Variants in KHDRBS2 observed in about 807,000 individuals in gnomAD.
KHDRBS2 encodes the protein KH domain-containing, RNA-binding, signal transduction-associated protein 2.
In KHDRBS2, 26 loss-of-function variants were observed where a neutral mutation model predicts 44.3. The observed-to-expected ratio is 0.59, with a 90% CI of 0.43 to 0.81. KHDRBS2 has a LOEUF of 0.81. Ranked by LOEUF, KHDRBS2 falls within the 40% of genes least tolerant of loss-of-function variation. The pLI is 0.00. For missense variants in KHDRBS2, 476 were observed against 433.1 expected (o/e 1.10, Z -0.88); for synonymous variants, 194 against 151.1 (o/e 1.28, Z -2.08).
intron 1 of KHDRBS2, among the ~76,000 whole-genome samples, chr6:62,242,920 A>G (rs1168183412): frequency 6.6e-6 from 1 of 152,172 alleles, no homozygotes; most frequent in African/African-American, 2.4e-5. Flanking sequence ...CAGGTGCCAC[A>G]ACCATAACAC....
At chr6:61,769,447 C>T (rs549376191) in intron 6 of KHDRBS2, among the ~76,000 whole-genome samples, 3 of 152,230 alleles carry the variant, frequency 2.0e-5, no homozygotes, top group South Asian at 2.1e-4. Context: ...CCTGGAAAAT[C>T]GGGTCACTCC....
chr6:62,195,207 A>G (rs1825428649), intron 1 of KHDRBS2, among the ~76,000 whole-genome samples: 1 of 152,162 alleles, frequency 6.6e-6, no homozygotes, highest in Non-Finnish European at 1.5e-5. Flanking sequence ...GAATTTTAAA[A>G]ATTCATTTTC....
intron 3 of KHDRBS2, among the ~76,000 whole-genome samples, chr6:61,983,450 A>G (rs1343288039): frequency 2.6e-5 from 4 of 151,806 alleles, no homozygotes; most frequent in Admixed American, 6.6e-5. Context: ...CTTAGATTAC[A>G]GGGTTTCTAG....
chr6:61,867,822 G>A (rs1798007543), intron 6 of KHDRBS2, among the ~76,000 whole-genome samples: 1 of 152,186 alleles, frequency 6.6e-6, no homozygotes, highest in Non-Finnish European at 1.5e-5. Context: ...CCCATCCTCT[G>A]GGAGCTCCAT....
intron 6 of KHDRBS2, among the ~76,000 whole-genome samples, chr6:61,775,831 C>T (rs1482714930): frequency 2.0e-5 from 3 of 152,266 alleles, no homozygotes; most frequent in Admixed American, 6.5e-5. Flanking sequence ...CCCGTGGTGC[C>T]AAGTCAATCC....
chr6:61,644,174 T>C, the KHDRBS2 span, among the ~76,000 whole-genome samples: 1 of 152,262 alleles, frequency 6.6e-6, no homozygotes, highest in South Asian at 2.1e-4. Flanking sequence ...ATCTATTCTT[T>C]GACAAAGCCA....
chr6:61,863,022 G>T (rs1366151016), intron 6 of KHDRBS2, among the ~76,000 whole-genome samples: 2 of 152,042 alleles, frequency 1.3e-5, no homozygotes, highest in African/African-American at 2.4e-5. Flanking sequence ...TTGGGAGGGT[G>T]TATGTCTCCT....
the KHDRBS2 span, among the ~76,000 whole-genome samples, chr6:61,616,968 A>G: frequency 6.6e-6 from 1 of 152,158 alleles, no homozygotes; most frequent in Admixed American, 6.6e-5. Flanking sequence ...TTTATTGAGT[A>G]CTTTTTTTTT....
chr6:61,970,595 TC>T (rs1241778313), intron 4 of KHDRBS2, among the ~76,000 whole-genome samples: 1 of 151,964 alleles, frequency 6.6e-6, no homozygotes, highest in Non-Finnish European at 1.5e-5. Context: ...CATCGAAGAG[TC>T]CACTGAGCTA....
the KHDRBS2 span, among the ~76,000 whole-genome samples, chr6:61,628,236 TTTTTTCA>T: frequency 4.0e-5 from 4 of 99,292 alleles, no homozygotes; most frequent in East Asian, 2.5e-4. Context: ...TTTTTTTTTT[TTTTTTCA>T]ACCTGGGCTG....
At chr6:61,547,514 C>T in the KHDRBS2 span, among the ~76,000 whole-genome samples, 3 of 152,000 alleles carry the variant, frequency 2.0e-5, no homozygotes, top group Non-Finnish European at 4.4e-5. Flanking sequence ...TACTAGTACC[C>T]AGGATAAGTA....
chr6:61,968,786 C>A (rs1027670803), intron 4 of KHDRBS2, among the ~76,000 whole-genome samples: 5 of 152,018 alleles, frequency 3.3e-5, no homozygotes, highest in Admixed American at 3.3e-4. Context: ...TGATCAGGCC[C>A]TTTTTTGTTG....
intron 3 of KHDRBS2, among the ~76,000 whole-genome samples, chr6:62,043,859 A>G (rs1352390555): frequency 6.6e-6 from 1 of 152,096 alleles, no homozygotes; most frequent in South Asian, 2.1e-4. Flanking sequence ...AAGAAGTATT[A>G]TTAGATCCAC....
the KHDRBS2 span, among the ~76,000 whole-genome samples, chr6:61,588,477 T>C: frequency 5.3e-4 from 80 of 152,308 alleles, no homozygotes; most frequent in Middle Eastern, 0.01. Context: ...ATGATTTAAA[T>C]TGGTAAAATT....
In KHDRBS2 at chr6:61,955,546, A is replaced by G. The variant is rs376869858; in HGVS notation, c.483+22520T>C. On this transcript the variant is annotated intron_variant, in intron 4 of 8. Coordinates refer to ENST00000281156, the MANE Select transcript of KHDRBS2 (RefSeq NM_152688.4). ...TATGTATACATGTGTATATATACAC[A>G]TATGTATGTATACATGTGTATATAT... 1.6e-3 allele frequency among the ~76,000 whole-genome samples: 37 copies of G among 22,990 alleles called. 7 individuals are homozygous for G. Among genetic ancestry groups the G allele is most frequent in the Admixed American group, 2.8e-3 (5 of 1,814 alleles). 15.1% of individuals were successfully genotyped at this position (22,990 alleles called of 152,430 possible).
At chr6:61,855,909 C>T (rs1229744269) in intron 6 of KHDRBS2, among the ~76,000 whole-genome samples, 1 of 151,972 alleles carries the variant, frequency 6.6e-6, no homozygotes, top group East Asian at 1.9e-4. Context: ...ACTCAGCCCA[C>T]TCCTTCTGTT....
At chr6:61,812,924 G>C (rs904386125) in intron 6 of KHDRBS2, among the ~76,000 whole-genome samples, 3 of 152,076 alleles carry the variant, frequency 2.0e-5, no homozygotes, top group African/African-American at 7.2e-5. Flanking sequence ...CTTTTCACAT[G>C]TATGTTAAGA....
chr6:62,115,254 A>G (rs2150078060), intron 2 of KHDRBS2, among the ~76,000 whole-genome samples: 1 of 152,276 alleles, frequency 6.6e-6, no homozygotes, highest in African/African-American at 2.4e-5. Flanking sequence ...TATTCACATG[A>G]GGCCATACAT....
chr6:61,912,935 C>T (rs1229672485), intron 4 of KHDRBS2, among the ~76,000 whole-genome samples: 1 of 152,100 alleles, frequency 6.6e-6, no homozygotes. Flanking sequence ...AACCACAACG[C>T]CTGCTCTCTT....
Sources: allele counts gnomAD v4.1 joint callset (sites outside exome capture counted in the v4.1 genomes callset), GRCh38; gene constraint gnomAD v4.1.1; transcripts MANE v1.5; gene names NCBI Gene and HGNC (gene_info 2026-07-23, HGNC 2026-07-21).